Variants in KCNG4 observed in about 807,000 individuals in gnomAD.
The protein encoded by KCNG4 is potassium voltage-gated channel modifier subfamily G member 4, also known as voltage-gated potassium channel regulatory subunit KCNG4.
A neutral mutation model predicts 28.2 loss-of-function variants in KCNG4; 30 were observed. The observed-to-expected ratio is 1.06, with a 90% CI of 0.80 to 1.44. The LOEUF is 1.44. Among genes scored for constraint, KCNG4 ranks in the 40% most tolerant of loss-of-function variants. The probability of loss-of-function intolerance (pLI) is 0.00; values close to 1 mark genes in which losing one functional copy is unlikely to be tolerated. For missense variants in KCNG4, 879 were observed against 712.3 expected (o/e 1.23, Z -2.66); for synonymous variants, 375 against 315.5 (o/e 1.19, Z -2.00).
chr16:84,236,553 G>T (rs1904954050), intron 2 of KCNG4, 177 bp downstream of exon 2: 3 of 825,130 alleles, frequency 3.6e-6, no homozygotes, highest in Non-Finnish European at 5.4e-6. Flanking sequence ...AAAAAAAAAA[G>T]ATGGAAAATT....
intron 2 of KCNG4, among the ~76,000 whole-genome samples, chr16:84,234,475 A>C (rs1158969762): frequency 6.6e-6 from 1 of 152,174 alleles, no homozygotes; most frequent in Non-Finnish European, 1.5e-5. Flanking sequence ...CACTGCACCC[A>C]GCCTCCATTG....
rs554049591 is a variant in KCNG4 at position 84,239,727 on chromosome 16, T to C, written c.-98A>G. 2.9e-4 allele frequency: 44 copies of C among 151,046 alleles called. No individual in the cohort carries two copies. The highest frequency in any genetic ancestry group is 8.5e-4 in the African/African-American group (35 of 41,128). 9.4% of individuals were successfully genotyped at this position (151,046 alleles called of 1,614,324 possible). ...TTCTCTGCCAGGCAAGGGGAGCCCA[T>C]CTCTTGGTGCCCAGGGAAGGGACAG... On this transcript the variant is annotated 5_prime_UTR_variant, in exon 1 of 3. An upstream start codon of the reference 5' UTR is lost. Transcript: ENST00000308251.
intron 2 of KCNG4, 50 bp downstream of exon 2, chr16:84,236,680 C>T (rs1202105793): frequency 3.9e-6 from 6 of 1,549,412 alleles, no homozygotes; most frequent in Non-Finnish European, 5.2e-6. Context: ...GACATCTCCG[C>T]CCAGGCACCC....
rs190795061 is a variant in KCNG4 at position 84,226,075 on chromosome 16, C to T, written c.757-3055G>A. 6.6e-6 allele frequency among the ~76,000 whole-genome samples: 1 copy of T among 152,206 alleles called. No individual in the cohort carries two copies. The highest frequency in any genetic ancestry group is 2.4e-5 in the African/African-American group (1 of 41,438). Reference sequence around the variant, plus strand: ...AGAAAGTTCCGGGTCCTAGGAACCCCCTGGGCCCTGGGCACACCGGGATGG... The same window carrying T: ...AGAAAGTTCCGGGTCCTAGGAACCCTCTGGGCCCTGGGCACACCGGGATGG... On this transcript the variant is annotated intron_variant, in intron 2 of 2. Coordinates refer to ENST00000308251, the MANE Select transcript of KCNG4 (RefSeq NM_172347.3). This position sits in a 1 kb window ranked among gnomAD's most constrained non-coding sequence, Gnocchi z 4.1.
At chr16:84,229,995 C>G (rs1450935289) in intron 2 of KCNG4, among the ~76,000 whole-genome samples, 1 of 151,944 alleles carries the variant, frequency 6.6e-6, no homozygotes, top group African/African-American at 2.4e-5. Flanking sequence ...GGAGCTGGCT[C>G]TTGTACAGGG....
Position 84,219,210 on chromosome 16 carries a change from A to T in KCNG4, c.*3007T>A, listed in dbSNP as rs553874858. ...GCCTGCTTTGCTGCTGGTCTTCTTC[A>T]TCCGCAGGACAGTCCCTGAGCTTGC... On this transcript the variant is annotated 3_prime_UTR_variant, in exon 3 of 3. Transcript: ENST00000308251. 3.3e-5 allele frequency: 5 copies of T among 152,338 alleles called. No homozygotes were observed. The South Asian group carries it at 6.2e-4, about 19-fold the overall frequency. The allele number at this position is 152,338 out of a possible 1,614,324, so 9.4% of individuals were successfully genotyped here.
At chr16:84,230,995 G>A (rs1379841024) in intron 2 of KCNG4, among the ~76,000 whole-genome samples, 1 of 152,204 alleles carries the variant, frequency 6.6e-6, no homozygotes. Context: ...GGGATGGAGA[G>A]GACATTTGAG....
chr16:84,219,562 C>A lies in KCNG4; in HGVS notation c.*2655G>T, dbSNP rs42191. On this transcript the variant is annotated 3_prime_UTR_variant, in exon 3 of 3. Transcript: ENST00000308251. Reference sequence around the variant, plus strand: ...GCTAACATGGTGAAACCCCGTCTCTCCTAAAAATACAAAAAATTATCCAGG... The same window carrying A: ...GCTAACATGGTGAAACCCCGTCTCTACTAAAAATACAAAAAATTATCCAGG... The A allele has an allele frequency of 0.81, 122,114 of 151,424 alleles. 49,817 individuals carry two copies. Among genetic ancestry groups the A allele is most frequent in the African/African-American group, 0.94 (38,989 of 41,326 alleles). The allele number at this position is 151,424 out of a possible 1,614,324, so 9.4% of individuals were successfully genotyped here. A position where few individuals can be genotyped will look rare whatever the true frequency, so the allele number is the denominator to read the frequency against.
intron 2 of KCNG4, among the ~76,000 whole-genome samples, chr16:84,225,366 G>C (rs150499405): frequency 1.8e-3 from 277 of 152,310 alleles, no homozygotes; most frequent in African/African-American, 6.4e-3. Context: ...GCAGAGTTTG[G>C]AACAGAATTG....
rs764556234 is a variant in KCNG4 at position 84,237,476 on chromosome 16, G to A, written c.10C>T (p.Pro4Ser). The A allele has an allele frequency of 3.3e-6, 5 of 1,497,168 alleles. No individual in the cohort carries two copies. Among genetic ancestry groups the A allele is most frequent in the South Asian group, 1.4e-5 (1 of 70,008 alleles). The allele number at this position is 1,497,168 out of a possible 1,614,324, so 92.7% of individuals were successfully genotyped here. A position where few individuals can be genotyped will look rare whatever the true frequency, so the allele number is the denominator to read the frequency against. Residue 4 changes from proline (P) to serine (S), a missense_variant, in exon 2 of 3, where the codon CCT becomes TCT. Physicochemically the swap from Pro to Ser is moderately conservative, Grantham distance 74. Coordinates refer to ENST00000308251, the MANE Select transcript of KCNG4 (RefSeq NM_172347.3). Reference protein sequence around the residue: MPMPSRDGGLHPRH... With the variant: MPMSSRDGGLHPRH... The stretch of plus-strand genomic sequence containing the variant: ...GGATGCAGGCCCCCGTCTCTGGAAG[G>A]CATGGGCATTGCTGAAGACCACCAG...
chr16:84,237,586 T>C lies in KCNG4; in HGVS notation c.-40-61A>G, dbSNP rs1251066779. The C allele has an allele frequency of 2.4e-6, 3 of 1,233,758 alleles. No individual in the cohort carries two copies. The African/African-American group carries it at 4.5e-5, about 19-fold the overall frequency. 76.4% of individuals were successfully genotyped at this position (1,233,758 alleles called of 1,614,324 possible). On this transcript the variant is annotated intron_variant, in intron 1 of 2. Coordinates refer to ENST00000308251, the MANE Select transcript of KCNG4 (RefSeq NM_172347.3). ...GGGAAATCAGTCTTGGGGCAAAGAG[T>C]CCTGGATGTCACGACTGCAGATGTT...
At chr16:84,228,744 G>A (rs768542091) in intron 2 of KCNG4, among the ~76,000 whole-genome samples, 3 of 152,238 alleles carry the variant, frequency 2.0e-5, no homozygotes, top group Non-Finnish European at 4.4e-5. Context: ...CTCTGAAGGC[G>A]TCTTCCCTTC....
chr16:84,222,998 TAG>T lies in KCNG4; in HGVS notation c.777_778del (p.Cys259Ter). 1.3e-6 allele frequency: 2 copies of T among 1,533,564 alleles called. No individual in the cohort carries two copies. The highest frequency in any genetic ancestry group is 2.6e-5 in the South Asian group (2 of 78,208). The allele number at this position is 1,533,564 out of a possible 1,614,324, so 95.0% of individuals were successfully genotyped here. A position where few individuals can be genotyped will look rare whatever the true frequency, so the allele number is the denominator to read the frequency against. On this transcript the variant is annotated stop_gained and frameshift_variant, in exon 3 of 3. Coordinates refer to ENST00000308251, the MANE Select transcript of KCNG4 (RefSeq NM_172347.3). LOFTEE classifies it high-confidence loss of function. ...GATGGTCTCCACGATGAAAATATAG[TAG>T]CACTTCCGAGAGCATTCGCCCTGCG...
intron 2 of KCNG4, among the ~76,000 whole-genome samples, chr16:84,224,246 C>T (rs1338149510): frequency 6.6e-6 from 1 of 152,120 alleles, no homozygotes; most frequent in East Asian, 1.9e-4. Flanking sequence ...ATGTTGGAAT[C>T]ACCTGGGGGT....
chr16:84,234,472 C>T (rs1402664388), intron 2 of KCNG4, among the ~76,000 whole-genome samples: 3 of 152,186 alleles, frequency 2.0e-5, no homozygotes, highest in East Asian at 1.9e-4. Context: ...AGCCACTGCA[C>T]CCAGCCTCCA....
chr16:84,231,208 G>A (rs1323887370), intron 2 of KCNG4, among the ~76,000 whole-genome samples: 1 of 152,208 alleles, frequency 6.6e-6, no homozygotes, highest in African/African-American at 2.4e-5. Flanking sequence ...TGTTATGATT[G>A]TCCTCTTTGC....
rs911091734 is a variant in KCNG4 at position 84,219,688 on chromosome 16, C to G, written c.*2529G>C. 5.5e-5 allele frequency: 8 copies of G among 145,200 alleles called. No individual in the cohort carries two copies. The highest frequency in any genetic ancestry group is 1.8e-4 in the African/African-American group (7 of 38,940). The allele number at this position is 145,200 out of a possible 1,614,324, so 9.0% of individuals were successfully genotyped here. ...CTTGCAGTGAGCCGAGATTGAGCCA[C>G]TGCACTCCAGCCTGGGTGACAGAGG... On this transcript the variant is annotated 3_prime_UTR_variant, in exon 3 of 3. Coordinates refer to ENST00000308251, the MANE Select transcript of KCNG4 (RefSeq NM_172347.3).
At chr16:84,237,603 G>A (rs1905006695) in intron 1 of KCNG4, 78 bp from the exon 2 acceptor site, 2 of 993,002 alleles carry the variant, frequency 2.0e-6, no homozygotes, top group Non-Finnish European at 1.4e-6. Flanking sequence ...TGTCACGACT[G>A]CAGATGTTCT....
chr16:84,228,616 G>A (rs1341632361), intron 2 of KCNG4, among the ~76,000 whole-genome samples: 1 of 42,140 alleles, frequency 2.4e-5, no homozygotes, highest in Non-Finnish European at 5.3e-5. Context: ...CCACCCCCCC[G>A]CCCACTCCTT....
Sources: gnomAD v4.1 joint callset for allele counts (sites outside exome capture counted in the v4.1 genomes callset) on GRCh38, gnomAD v4.1.1 for gene constraint, Gnocchi (gnomAD v3.1) non-coding constraint, MANE v1.5 for transcripts, NCBI Gene and HGNC (gene_info 2026-07-23, HGNC 2026-07-21) for gene names.